Variants in PLEKHD1 observed in about 807,000 individuals in gnomAD.
The protein encoded by PLEKHD1 is pleckstrin homology and coiled-coil domain containing D1, also known as pleckstrin homology domain-containing family D member 1.
In PLEKHD1, 51 loss-of-function variants were observed where a neutral mutation model predicts 69.2. The observed-to-expected ratio is 0.74, with a 90% CI of 0.59 to 0.93. PLEKHD1 has a LOEUF of 0.93. Among genes scored for constraint, PLEKHD1 ranks in the 40% least tolerant of loss-of-function variants. PLEKHD1 has a pLI of 0.00. For synonymous variants in PLEKHD1, 236 were observed against 244.7 expected (o/e 0.96, Z 0.33); for missense variants, 584 against 641.0 (o/e 0.91, Z 0.96).
At chr14:69,495,611 C>T (rs1330564441) in intron 1 of PLEKHD1, among the ~76,000 whole-genome samples, 1 of 152,208 alleles carries the variant, frequency 6.6e-6, no homozygotes, top group Non-Finnish European at 1.5e-5. Context: ...TAAATGTTAG[C>T]TTGATCATTA....
chr14:69,468,225 TTAG>T, the PLEKHD1 span, among the ~76,000 whole-genome samples: 1 of 151,762 alleles, frequency 6.6e-6, no homozygotes, highest in African/African-American at 2.4e-5. Context: ...CAATAACAGA[TTAG>T]TTAAATTATG....
chr14:69,484,152 C>T (rs547143523), upstream of PLEKHD1, among the ~76,000 whole-genome samples: 3 of 152,330 alleles, frequency 2.0e-5, no homozygotes, highest in South Asian at 6.2e-4. Context: ...GGGGGGAACC[C>T]AATCTTGATG....
At chr14:69,485,242 C>CCTTGGCGTCACCCCTT in intron 1 of PLEKHD1, 128 bp downstream of exon 1, 1 of 1,122,198 alleles carries the variant, frequency 8.9e-7, no homozygotes, top group Non-Finnish European at 1.2e-6. Flanking sequence ...CCCCTTTTCA[C>CCTTGGCGTCACCCCTT]TCTACACTGG....
At chr14:69,512,023 T>G (rs1320598138) in intron 6 of PLEKHD1, among the ~76,000 whole-genome samples, 4 of 152,262 alleles carry the variant, frequency 2.6e-5, no homozygotes, top group Non-Finnish European at 5.9e-5. Flanking sequence ...CCTCTGGGCC[T>G]GGTGCTTTCT....
the PLEKHD1 span, among the ~76,000 whole-genome samples, chr14:69,472,638 C>T: frequency 6.6e-6 from 1 of 152,248 alleles, no homozygotes; most frequent in South Asian, 2.1e-4. Context: ...CACACAAATA[C>T]TTACCATTGC....
At chr14:69,487,336 A>C (rs1366261611) in intron 1 of PLEKHD1, among the ~76,000 whole-genome samples, 1 of 152,174 alleles carries the variant, frequency 6.6e-6, no homozygotes, top group African/African-American at 2.4e-5. Flanking sequence ...CCTGGGCCCC[A>C]GCTTCCCATT....
the PLEKHD1 span, among the ~76,000 whole-genome samples, chr14:69,474,434 A>G: frequency 2.6e-5 from 4 of 152,208 alleles, no homozygotes; most frequent in African/African-American, 9.6e-5. Flanking sequence ...GAATTTTTAG[A>G]CAAAGTTTTG....
chr14:69,509,587 G>A (rs1203031603), intron 6 of PLEKHD1, among the ~76,000 whole-genome samples: 2 of 151,848 alleles, frequency 1.3e-5, no homozygotes, highest in African/African-American at 2.4e-5. Context: ...TCTGTGTAGA[G>A]TCTTTTTTTT....
intron 1 of PLEKHD1, among the ~76,000 whole-genome samples, chr14:69,495,777 T>C (rs1882875866): frequency 6.6e-6 from 1 of 152,208 alleles, no homozygotes; most frequent in Admixed American, 6.5e-5. Flanking sequence ...GATTACCTTC[T>C]TAACTAGGCT....
intron 6 of PLEKHD1, among the ~76,000 whole-genome samples, chr14:69,520,049 C>T (rs2139525686): frequency 6.6e-6 from 1 of 151,840 alleles, no homozygotes; most frequent in Middle Eastern, 3.4e-3. Context: ...CGCCCGTAAT[C>T]CCAGCTACTC....
At chr14:69,510,790 T>C (rs35014181) in intron 6 of PLEKHD1, among the ~76,000 whole-genome samples, 10,048 of 152,316 alleles carry the variant, frequency 0.066, 473 homozygotes, top group Non-Finnish European at 0.1. Flanking sequence ...CAGTACAATG[T>C]TGAGAAGCAC....
At chr14:69,512,012 C>T (rs1033724218) in intron 6 of PLEKHD1, among the ~76,000 whole-genome samples, 2 of 152,060 alleles carry the variant, frequency 1.3e-5, no homozygotes, top group African/African-American at 4.8e-5. Context: ...ATCACTGAGC[C>T]CCTCTGGGCC....
chr14:69,501,239 C>T (rs1883018675), intron 4 of PLEKHD1: 1 of 494,922 alleles, frequency 2.0e-6, no homozygotes, highest in Non-Finnish European at 3.7e-6. Flanking sequence ...CTCCCCAGGC[C>T]CATAATTAAT....
At chr14:69,472,498 G>T in the PLEKHD1 span, among the ~76,000 whole-genome samples, 1 of 152,130 alleles carries the variant, frequency 6.6e-6, no homozygotes, top group Non-Finnish European at 1.5e-5. Flanking sequence ...GTTAATCACC[G>T]TGTCATGTGC....
At chr14:69,517,994 T>TTTTATTTA (rs572500099) in intron 6 of PLEKHD1, among the ~76,000 whole-genome samples, 81 of 126,880 alleles carry the variant, frequency 6.4e-4, no homozygotes, top group African/African-American at 2.0e-3. Context: ...CCTGATCTGA[T>TTTTATTTA]TTTATTTATT....
At chr14:69,482,286 G>A (rs1882555279), upstream of PLEKHD1, among the ~76,000 whole-genome samples, 1 of 152,246 alleles carries the variant, frequency 6.6e-6, no homozygotes, top group Non-Finnish European at 1.5e-5. Flanking sequence ...TCTTTTGAAT[G>A]ATTGCAGGTA....
At chr14:69,493,958 T>A (rs887447613) in intron 1 of PLEKHD1, among the ~76,000 whole-genome samples, 1 of 152,094 alleles carries the variant, frequency 6.6e-6, no homozygotes, top group Non-Finnish European at 1.5e-5. Flanking sequence ...AAGCAGCATA[T>A]GCAGGGATAA....
At chr14:69,527,078 A>G (rs1295819626) in intron 10 of PLEKHD1, 110 bp from the exon 11 acceptor site, 19 of 1,319,592 alleles carry the variant, frequency 1.4e-5, no homozygotes, top group Non-Finnish European at 1.9e-5. Flanking sequence ...GGATGTGATA[A>G]CTCCCATCCA....
chr14:69,526,091 C>T lies in PLEKHD1; in HGVS notation c.892C>T (p.Leu298Phe). 1 of 1,551,176 alleles carries T rather than the reference C, an allele frequency of 6.4e-7. No individual in the cohort carries two copies. The change falls in exon 9 of 13, where the codon CTC becomes TTC. Residue 298 changes from leucine (L) to phenylalanine (F), a missense_variant. By Grantham distance (22) the Leu-to-Phe change is conservative. Transcript: ENST00000322564. ...GCAGATCGAGGAGAAGATGCAGCAG[C>T]TCTTAGAGGAGAAGCTCCTGGCAGA... ...LRQIEEKMQQ[L>F]LEEKLLAEKR...
Sources: gnomAD v4.1 joint callset for allele counts (sites outside exome capture counted in the v4.1 genomes callset) on GRCh38, gnomAD v4.1.1 for gene constraint, MANE v1.5 for transcripts, NCBI Gene and HGNC (gene_info 2026-07-23, HGNC 2026-07-21) for gene names.